Variants in ASB3 observed in about 807,000 individuals in gnomAD.
ASB3 encodes the protein ankyrin repeat and SOCS box protein 3.
ASB3 carries 41 observed loss-of-function variants against 54.5 expected under a neutral mutation model. The observed-to-expected ratio is 0.75, with a 90% CI of 0.59 to 0.98. ASB3 has a LOEUF of 0.98. ASB3 is among the 50% of genes least tolerant of loss of function. ASB3 has a pLI of 0.00. For missense variants in ASB3, 733 were observed against 620.0 expected, an observed-to-expected ratio of 1.18 and a Z score of -1.94; for synonymous variants, 266 against 221.2, an observed-to-expected ratio of 1.20 and a Z score of -1.80.
chr2:53,761,231 G>A (rs1673126257), intron 2 of ASB3, among the ~76,000 whole-genome samples: 2 of 152,294 alleles, frequency 1.3e-5, no homozygotes, highest in African/African-American at 4.8e-5. Flanking sequence ...AGGTAGTAAA[G>A]AGGGCTCACT....
intron 3 of ASB3, among the ~76,000 whole-genome samples, chr2:53,741,569 T>C (rs566895845): frequency 1.1e-4 from 16 of 152,332 alleles, no homozygotes; most frequent in African/African-American, 3.8e-4. Context: ...TGCTCTACGG[T>C]ACCTAACTAG....
At chr2:53,746,455 T>A (rs1672228401) in intron 3 of ASB3, among the ~76,000 whole-genome samples, 1 of 151,866 alleles carries the variant, frequency 6.6e-6, no homozygotes, top group African/African-American at 2.4e-5. Flanking sequence ...ATGCCCATTC[T>A]TCCACACACT....
At chr2:53,744,073 TTG>T (rs1672087777) in intron 3 of ASB3, among the ~76,000 whole-genome samples, 1 of 146,596 alleles carries the variant, frequency 6.8e-6, no homozygotes, top group African/African-American at 2.5e-5. Context: ...TTAAAAGACA[TTG>T]TGTTAAAACA....
chr2:53,694,133 C>T (rs3731970), intron 8 of ASB3, 119 bp from the exon 9 acceptor site: 245,374 of 1,174,314 alleles, frequency 0.21, 28,462 homozygotes, highest in East Asian at 0.39. Flanking sequence ...GACAGAAAAC[C>T]AGGGCATGTT....
In ASB3 at chr2:53,700,290, T is replaced by G. The variant is rs138986805; in HGVS notation, c.1219A>C (p.Ile407Leu). The G allele has an allele frequency of 1.0e-4, 162 of 1,613,846 alleles. No homozygotes were observed. The Middle Eastern group carries it at 1.2e-3, about 12-fold the overall frequency. The part of the protein sequence containing the change: ...HLLVAGFDPL[I>L]LLCNSWIDSV... ...TCTTACCAAGAATTGCACAGTAGAA[T>G]CAGTGGGTCAAATCCAGCAACCAGA... The change falls in exon 8 of 10, where the codon ATT becomes CTT. Residue 407 changes from isoleucine (I) to leucine (L), a missense_variant. Transcript: ENST00000263634.
chr2:53,701,975 C>T (rs532501940), intron 7 of ASB3, among the ~76,000 whole-genome samples: 53 of 152,190 alleles, frequency 3.5e-4, no homozygotes, highest in African/African-American at 1.2e-3. Context: ...TCTCAAAAGC[C>T]CTCTACAAAA....
rs528124970 is a variant in ASB3 at position 53,670,456 on chromosome 2, T to G, written c.*47A>C. 3.8e-6 allele frequency: 6 copies of G among 1,582,074 alleles called. No individual in the cohort carries two copies. The highest frequency in any genetic ancestry group is 3.4e-6 in the Non-Finnish European group (4 of 1,166,862). ...GTACTCTGTGGCTCTTTTGTCTCGA[T>G]GATTTTTCAGAGAAAAAAATTAGCT... On this transcript the variant is annotated 3_prime_UTR_variant, in exon 10 of 10. Transcript: ENST00000263634.
At chr2:53,715,424 C>T (rs1358805030) in intron 6 of ASB3, among the ~76,000 whole-genome samples, 1 of 152,042 alleles carries the variant, frequency 6.6e-6, no homozygotes, top group Non-Finnish European at 1.5e-5. Context: ...TCTAAGATAA[C>T]ATTTAAGTAG....
At chr2:53,701,627 A>G (rs995559789) in intron 7 of ASB3, among the ~76,000 whole-genome samples, 2 of 152,224 alleles carry the variant, frequency 1.3e-5, no homozygotes, top group African/African-American at 2.4e-5. Context: ...AGTGAAAAAA[A>G]CTGAGAAACC....
At chr2:53,672,779 G>A (rs1015823971) in intron 9 of ASB3, among the ~76,000 whole-genome samples, 17 of 152,138 alleles carry the variant, frequency 1.1e-4, no homozygotes, top group African/African-American at 3.6e-4. Context: ...ATGAAACAAG[G>A]TGAGTGCATA....
chr2:53,691,376 G>C (rs1205409547), intron 9 of ASB3, among the ~76,000 whole-genome samples: 1 of 152,142 alleles, frequency 6.6e-6, no homozygotes, highest in Non-Finnish European at 1.5e-5. Flanking sequence ...ATACTGAGTG[G>C]AGCTAGGAAG....
intron 5 of ASB3, among the ~76,000 whole-genome samples, chr2:53,726,257 A>AT (rs35225840): frequency 0.19 from 25,578 of 135,472 alleles, 2,566 homozygotes; most frequent in East Asian, 0.29. Context: ...TTTAATCTAA[A>AT]TTTTTTTTTT....
chr2:53,737,304 G>C (rs981598063), intron 3 of ASB3, among the ~76,000 whole-genome samples: 6 of 152,170 alleles, frequency 3.9e-5, no homozygotes, highest in African/African-American at 1.4e-4. Flanking sequence ...CAACAGTAAG[G>C]TTGGGAAAGG....
At chr2:53,682,025 T>C (rs1668400277) in intron 9 of ASB3, among the ~76,000 whole-genome samples, 1 of 151,982 alleles carries the variant, frequency 6.6e-6, no homozygotes, top group African/African-American at 2.4e-5. Context: ...CCAGGCATGG[T>C]GGCACATGCC....
At chr2:53,681,086 T>C (rs966745441) in intron 9 of ASB3, among the ~76,000 whole-genome samples, 1 of 152,220 alleles carries the variant, frequency 6.6e-6, no homozygotes, top group Non-Finnish European at 1.5e-5. Flanking sequence ...GGTTGAATAG[T>C]ACTCTGTTGT....
At chr2:53,716,254 G>C (rs921992604) in intron 6 of ASB3, among the ~76,000 whole-genome samples, 2 of 152,098 alleles carry the variant, frequency 1.3e-5, no homozygotes, top group Non-Finnish European at 2.9e-5. Flanking sequence ...AAGATGCCTG[G>C]GATAAAACTA....
At chr2:53,717,701 A>G (rs1173591490) in intron 5 of ASB3, among the ~76,000 whole-genome samples, 1 of 152,156 alleles carries the variant, frequency 6.6e-6, no homozygotes, top group African/African-American at 2.4e-5. Context: ...CCAAATGGAA[A>G]CTCAGAAATG....
intron 7 of ASB3, among the ~76,000 whole-genome samples, chr2:53,712,833 T>C (rs1670182617): frequency 1.3e-5 from 2 of 152,216 alleles, no homozygotes; most frequent in Non-Finnish European, 2.9e-5. Flanking sequence ...TTCAGTTCTG[T>C]AACGGACTTA....
intron 5 of ASB3, among the ~76,000 whole-genome samples, chr2:53,721,148 A>ATAAG (rs1670684223): frequency 6.6e-6 from 1 of 150,504 alleles, no homozygotes; most frequent in South Asian, 2.1e-4. Context: ...AAATAAATAA[A>ATAAG]TAAATAAATA....
Sources: gnomAD v4.1 joint callset for allele counts (sites outside exome capture counted in the v4.1 genomes callset) on GRCh38, gnomAD v4.1.1 for gene constraint, MANE v1.5 for transcripts, NCBI Gene and HGNC (gene_info 2026-07-23, HGNC 2026-07-21) for gene names.